NBAS: variants seen among roughly 807,000 people sequenced by gnomAD.
The protein encoded by NBAS is NAG/BC035112 fusion.
In NBAS, 219 loss-of-function variants were observed where a neutral mutation model predicts 302.5. The ratio of observed to expected loss-of-function variants is 0.72; its 90% CI spans 0.65 to 0.81. The LOEUF (loss-of-function observed/expected upper bound fraction) is 0.81, where lower values mean the gene tolerates loss of function less well. NBAS is among the 30% of genes least tolerant of loss of function. The pLI, the probability that NBAS is intolerant of heterozygous loss-of-function variation, is 0.00. For synonymous variants in NBAS, 1,118 were observed against 1,021.6 expected (o/e 1.09, Z -1.80); for missense variants, 2,932 against 2,841.6 (o/e 1.03, Z -0.72).
At chr2:14,949,705 T>A in the NBAS span, among the ~76,000 whole-genome samples, 10 of 152,302 alleles carry the variant, frequency 6.6e-5, no homozygotes, top group Middle Eastern at 3.4e-3. Context: ...TGGAATGTTA[T>A]TCATACATAA....
At chr2:14,976,970 T>C in the NBAS span, among the ~76,000 whole-genome samples, 1 of 152,126 alleles carries the variant, frequency 6.6e-6, no homozygotes, top group Non-Finnish European at 1.5e-5. Flanking sequence ...AGTCATAAAG[T>C]TTGTGGTAAT....
At chr2:15,058,941 C>T in the NBAS span, among the ~76,000 whole-genome samples, 1 of 152,172 alleles carries the variant, frequency 6.6e-6, no homozygotes, top group Non-Finnish European at 1.5e-5. Flanking sequence ...ATTTCTATTC[C>T]CAGAGGCCTT....
At chr2:14,803,920 G>A in the NBAS span, among the ~76,000 whole-genome samples, 2 of 152,134 alleles carry the variant, frequency 1.3e-5, no homozygotes, top group African/African-American at 2.4e-5. Flanking sequence ...AAAGTGCTGG[G>A]ATTACAGATG....
At chr2:15,028,445 C>A in the NBAS span, among the ~76,000 whole-genome samples, 1 of 152,170 alleles carries the variant, frequency 6.6e-6, no homozygotes. Context: ...ACTTTAATTG[C>A]AAAATCTGAT....
At chr2:15,548,230 C>T (rs986833740) in intron 6 of NBAS, among the ~76,000 whole-genome samples, 3 of 152,060 alleles carry the variant, frequency 2.0e-5, no homozygotes, top group African/African-American at 7.2e-5. Context: ...TGTGTGCCTA[C>T]GATGTGTCAG....
intron 5 of NBAS, among the ~76,000 whole-genome samples, chr2:15,552,118 A>G (rs1664412014): frequency 6.6e-6 from 1 of 152,252 alleles, no homozygotes; most frequent in African/African-American, 2.4e-5. Flanking sequence ...AAATAATTTA[A>G]TAACAATTAT....
At chr2:15,414,802 AGGCAT>A (rs974982274) in intron 25 of NBAS, among the ~76,000 whole-genome samples, 3 of 152,094 alleles carry the variant, frequency 2.0e-5, no homozygotes, top group African/African-American at 7.2e-5. Context: ...AAAATTTGCC[AGGCAT>A]GGTGGCACAT....
At chr2:15,105,839 A>G in the NBAS span, among the ~76,000 whole-genome samples, 26 of 152,274 alleles carry the variant, frequency 1.7e-4, 2 homozygotes, top group South Asian at 1.5e-3. Context: ...TGGTCCTTCA[A>G]GATCTTTAAA....
At chr2:15,104,137 A>G in the NBAS span, among the ~76,000 whole-genome samples, 1 of 152,294 alleles carries the variant, frequency 6.6e-6, no homozygotes, top group East Asian at 1.9e-4. Context: ...AATAAGTCTC[A>G]TAAGATCTGA....
chr2:15,515,993 G>C (rs747185956), intron 9 of NBAS, among the ~76,000 whole-genome samples: 4 of 152,068 alleles, frequency 2.6e-5, no homozygotes, highest in Admixed American at 1.3e-4. Context: ...AGAAGGGAAG[G>C]GTCACGGCAA....
At chr2:14,831,861 G>A in the NBAS span, among the ~76,000 whole-genome samples, 1 of 152,174 alleles carries the variant, frequency 6.6e-6, no homozygotes, top group African/African-American at 2.4e-5. Context: ...TCCACATCAT[G>A]CCTGGTGCAT....
At chr2:15,487,539 C>A (rs1680683830) in intron 12 of NBAS, among the ~76,000 whole-genome samples, 1 of 152,072 alleles carries the variant, frequency 6.6e-6, no homozygotes, top group African/African-American at 2.4e-5. Context: ...CAGAGTGGAC[C>A]CATGCAGTTC....
the NBAS span, among the ~76,000 whole-genome samples, chr2:15,133,812 A>T: frequency 6.6e-6 from 1 of 152,122 alleles, no homozygotes. Flanking sequence ...TTCTCAACTG[A>T]GAGTGAAGCC....
intron 27 of NBAS, among the ~76,000 whole-genome samples, chr2:15,396,005 G>A (rs11904187): frequency 0.013 from 1,903 of 152,180 alleles, 36 homozygotes; most frequent in African/African-American, 0.043. Context: ...GGAAGTTAGC[G>A]TAATAAACAT....
the NBAS span, among the ~76,000 whole-genome samples, chr2:15,022,901 A>G: frequency 6.6e-6 from 1 of 152,220 alleles, no homozygotes; most frequent in Non-Finnish European, 1.5e-5. Context: ...ATGATTTTAT[A>G]TGAATGATAT....
At chr2:14,863,939 G>A in the NBAS span, among the ~76,000 whole-genome samples, 3 of 152,142 alleles carry the variant, frequency 2.0e-5, no homozygotes, top group Non-Finnish European at 4.4e-5. Context: ...AGTGAGGAGT[G>A]GCATTTGAGG....
intron 51 of NBAS, among the ~76,000 whole-genome samples, chr2:15,172,686 G>C (rs968228701): frequency 6.6e-6 from 1 of 152,164 alleles, no homozygotes; most frequent in Non-Finnish European, 1.5e-5. Context: ...GGTGCTTAAG[G>C]GGCATGAGAA....
chr2:15,005,397 G>A, the NBAS span, among the ~76,000 whole-genome samples: 6 of 152,168 alleles, frequency 3.9e-5, no homozygotes, highest in African/African-American at 9.7e-5. Flanking sequence ...TTGGAAGAGC[G>A]ATTCATTTAG....
the NBAS span, among the ~76,000 whole-genome samples, chr2:14,870,065 G>A: frequency 3.9e-5 from 6 of 152,094 alleles, no homozygotes; most frequent in Non-Finnish European, 7.4e-5. Context: ...TTCAAACATT[G>A]GTCAACAGGT....
Sources: allele counts gnomAD v4.1 joint callset (sites outside exome capture counted in the v4.1 genomes callset), GRCh38; gene constraint gnomAD v4.1.1; transcripts MANE v1.5; gene names NCBI Gene and HGNC (gene_info 2026-07-23, HGNC 2026-07-21).